Variants in STK32C observed in about 807,000 individuals in gnomAD.
STK32C encodes the protein serine/threonine-protein kinase 32C.
A neutral mutation model predicts 56.5 loss-of-function variants in STK32C; 31 were observed. The observed-to-expected ratio is 0.55, with a 90% confidence interval of 0.41 to 0.74. The LOEUF (loss-of-function observed/expected upper bound fraction) is 0.74, where lower values mean the gene tolerates loss of function less well. Ranked by LOEUF, STK32C falls within the 30% of genes least tolerant of loss-of-function variation. The pLI is 0.00. For synonymous variants in STK32C, 309 were observed against 289.4 expected (o/e 1.07, Z -0.69); for missense variants, 544 against 676.9 (o/e 0.80, Z 2.18).
Position 132,236,119 on chromosome 10 carries a change from GAA to G in STK32C, c.319-7993_319-7992del, listed in dbSNP as rs148909250. On this transcript the variant is annotated intron_variant, in intron 2 of 11. Transcript: ENST00000298630. ...GCATCTTCTAAAAACTAGAAAAAGAGAAGAGTTGAGGCAATGCTTCCGTGGCC... is the reference window on the plus strand; with the variant it reads ...GCATCTTCTAAAAACTAGAAAAAGAGGAGTTGAGGCAATGCTTCCGTGGCC... Among the ~76,000 whole-genome samples, 1,483 of 152,292 alleles carry G rather than the reference GAA, an allele frequency of 9.7e-3. 33 individuals are homozygous for G. The highest frequency in any genetic ancestry group is 0.034 in the African/African-American group (1,392 of 41,540).
intron 1 of STK32C, among the ~76,000 whole-genome samples, chr10:132,293,746 A>G (rs2065644044): frequency 6.6e-6 from 1 of 152,064 alleles, no homozygotes; most frequent in African/African-American, 2.4e-5. Context: ...CAGAGCCAGG[A>G]GCCCAGCAGG....
chr10:132,261,280 T>A (rs545313804), intron 1 of STK32C, among the ~76,000 whole-genome samples: 1 of 152,112 alleles, frequency 6.6e-6, no homozygotes, highest in Non-Finnish European at 1.5e-5. Flanking sequence ...ACGACCTCAG[T>A]AAAGTTTCAG....
In STK32C at chr10:132,307,555, C is replaced by A. The variant is rs191418619; in HGVS notation, c.262+17G>T. On this transcript the variant is annotated intron_variant, in intron 1 of 11. Transcript: ENST00000298630. The surrounding 1 kb of genome is among the most constrained non-coding windows in gnomAD (Gnocchi z 4.4). ...AATAGCGCGCGGCCCCCACGTCGTC[C>A]CCGTGCCCGCACTCACCGTCCTCCT... 6.5e-7 allele frequency: 1 copy of A among 1,543,836 alleles called. No homozygotes were observed. The highest frequency in any genetic ancestry group is 1.4e-5 in the African/African-American group (1 of 69,864).
At chr10:132,318,610 G>T (rs2066350439) in intron 1 of STK32C, among the ~76,000 whole-genome samples, 1 of 149,690 alleles carries the variant, frequency 6.7e-6, no homozygotes, top group African/African-American at 2.5e-5. Context: ...GTGAGACCTT[G>T]CCTCAAAAAA....
chr10:132,220,825 T>C (rs2062614005), intron 10 of STK32C, among the ~76,000 whole-genome samples: 1 of 152,216 alleles, frequency 6.6e-6, no homozygotes, highest in Non-Finnish European at 1.5e-5. Flanking sequence ...GCTCACATTC[T>C]GGTGAGACCC....
intron 1 of STK32C, among the ~76,000 whole-genome samples, chr10:132,283,762 CCTGAGA>C (rs1210032035): frequency 6.6e-6 from 1 of 152,172 alleles, no homozygotes; most frequent in Non-Finnish European, 1.5e-5. Flanking sequence ...CTCCGCTGCG[CCTGAGA>C]CTGAGAAACA....
chr10:132,254,522 A>C (rs1408720590), intron 1 of STK32C, among the ~76,000 whole-genome samples: 5 of 122,176 alleles, frequency 4.1e-5, no homozygotes, highest in Non-Finnish European at 5.0e-5. Flanking sequence ...CCAGGAGAGT[A>C]AAATAAGCCT....
At chr10:132,278,634 G>A (rs977264843) in intron 1 of STK32C, among the ~76,000 whole-genome samples, 11 of 151,868 alleles carry the variant, frequency 7.2e-5, no homozygotes, top group Non-Finnish European at 1.0e-4. Context: ...GGTGGCAGGC[G>A]CCTGTACTCC....
intron 2 of STK32C, 74 bp downstream of exon 2, chr10:132,245,824 CAG>C (rs1450606573): frequency 1.4e-6 from 2 of 1,448,024 alleles, no homozygotes; most frequent in African/African-American, 2.8e-5. Flanking sequence ...TAGGTGGGCT[CAG>C]GGGACAGCAT....
At chr10:132,272,283 C>A (rs924562060) in intron 1 of STK32C, among the ~76,000 whole-genome samples, 1 of 152,226 alleles carries the variant, frequency 6.6e-6, no homozygotes, top group East Asian at 1.9e-4. Flanking sequence ...ACGCTGCCCA[C>A]GAGCCAAGGA....
At chr10:132,319,510 T>C (rs961436603), downstream of STK32C, among the ~76,000 whole-genome samples, 1 of 152,230 alleles carries the variant, frequency 6.6e-6, no homozygotes, top group African/African-American at 2.4e-5. Context: ...AGGAATGAAA[T>C]ACTGATGCCT....
exon 1 of STK32C, chr10:132,331,447 G>C: frequency 6.2e-7 from 1 of 1,609,838 alleles, no homozygotes; most frequent in African/African-American, 1.3e-5. Context: ...GCGTTTCCTC[G>C]CCCCCCTCAC....
upstream of STK32C, chr10:132,331,846 G>A (rs750554970): frequency 1.4e-6 from 2 of 1,473,932 alleles, no homozygotes; most frequent in Admixed American, 2.0e-5. Flanking sequence ...GCGGAAAAAC[G>A]GATGCTACCG....
intron 11 of STK32C, 35 bp downstream of exon 11, chr10:132,208,999 C>G (rs1026094377): frequency 6.2e-7 from 1 of 1,602,640 alleles, no homozygotes; most frequent in Non-Finnish European, 8.5e-7. Context: ...TTCCTCCTCT[C>G]TGCCACCACG....
rs373281127 is a variant in STK32C, at chr10:132,225,518, C to T, written c.772+9G>A. On this transcript the variant is annotated intron_variant, in intron 6 of 11. Coordinates refer to ENST00000298630, the MANE Select transcript of STK32C (RefSeq NM_173575.4). ...CCAGCTCCCATCTGGAACCCCAGCT[C>T]GGGCTCACCCATGTACGGCTTGGTG... The T allele has an allele frequency of 3.1e-6, 5 of 1,613,650 alleles. No individual in the cohort carries two copies. The highest frequency in any genetic ancestry group is 1.7e-5 in the Admixed American group (1 of 60,012).
At chr10:132,296,094 G>T (rs780688747) in intron 1 of STK32C, among the ~76,000 whole-genome samples, 2 of 147,698 alleles carry the variant, frequency 1.4e-5, no homozygotes, top group South Asian at 4.5e-4. Context: ...GTGTAATCTC[G>T]TATGACATCA....
rs574160249 is a variant in STK32C, at chr10:132,215,145, C to T, written c.1252-6044G>A. ...GCAATCCTACTGCCTCAGCCTCCTGCGTAGCTGGTATCACAGGTGTATCCC... is the reference window on the plus strand; with the variant it reads ...GCAATCCTACTGCCTCAGCCTCCTGTGTAGCTGGTATCACAGGTGTATCCC... On this transcript the variant is annotated intron_variant, in intron 10 of 11. Coordinates refer to ENST00000298630, the MANE Select transcript of STK32C (RefSeq NM_173575.4). Among the ~76,000 whole-genome samples, 3 of 152,190 alleles carry T rather than the reference C, an allele frequency of 2.0e-5. No individual in the cohort carries two copies. The South Asian group carries it at 6.2e-4, about 32-fold the overall frequency.
At chr10:132,238,569 A>G (rs985185477) in intron 2 of STK32C, among the ~76,000 whole-genome samples, 1 of 152,050 alleles carries the variant, frequency 6.6e-6, no homozygotes, top group African/African-American at 2.4e-5. Context: ...TCAGGTCCTG[A>G]GGTGATTCAT....
At chr10:132,303,164 G>T (rs1008031740) in intron 1 of STK32C, among the ~76,000 whole-genome samples, 2 of 152,236 alleles carry the variant, frequency 1.3e-5, no homozygotes, top group Non-Finnish European at 2.9e-5. Context: ...GGGCTGCGTG[G>T]GAGGCCTCAG....
Sources: gnomAD v4.1 joint callset for allele counts (sites outside exome capture counted in the v4.1 genomes callset) on GRCh38, gnomAD v4.1.1 for gene constraint, Gnocchi (gnomAD v3.1) non-coding constraint, MANE v1.5 for transcripts, NCBI Gene and HGNC (gene_info 2026-07-23, HGNC 2026-07-21) for gene names.